Variants in SERBP1 observed in about 807,000 individuals in gnomAD.
The protein encoded by SERBP1 is SERPINE1 mRNA binding protein 1, also known as SERPINE1 mRNA-binding protein 1.
Under a neutral mutation model 50.2 loss-of-function variants are expected in SERBP1, and 6 were observed. That is an observed-to-expected ratio of 0.12 (90% CI 0.07 to 0.24). SERBP1 has a LOEUF of 0.24. Ranked by LOEUF, SERBP1 falls within the 10% of genes least tolerant of loss-of-function variation. The pLI is 1.00. For missense variants in SERBP1, 346 were observed against 524.9 expected, an observed-to-expected ratio of 0.66 and a Z score of 3.33; for synonymous variants, 168 against 182.8, an observed-to-expected ratio of 0.92 and a Z score of 0.65.
rs774045733 is a variant in SERBP1, at chr1:67,425,119, T to C, written c.569A>G (p.Lys190Arg). The C allele has an allele frequency of 1.3e-5, 21 of 1,611,462 alleles. No individual in the cohort carries two copies. Among genetic ancestry groups the C allele is most frequent in the Non-Finnish European group, 1.7e-5 (20 of 1,179,750 alleles). ...GRGDGFDSRG[K>R]REFDRHSGSD... ...TCCACTATGCCTATCAAATTCACGT[T>C]TGCCACGAGAATCAAATCCATCTCC... The change falls in exon 3 of 8, where the codon AAA (lysine) becomes AGA (arginine). Residue 190 changes from lysine to arginine, a missense_variant. Transcript: ENST00000361219.
At chr1:67,420,274 T>A in intron 5 of SERBP1, 88 bp from the exon 6 acceptor site, 1 of 1,138,494 alleles carries the variant, frequency 8.8e-7, no homozygotes, top group Non-Finnish European at 1.2e-6. Context: ...TTGAGAAAAT[T>A]AACCTTGTAA....
Position 67,409,812 on chromosome 1 carries a change from T to C in SERBP1, c.*3395A>G, listed in dbSNP as rs1194132786. 6.6e-6 allele frequency: 1 copy of C among 152,230 alleles called. No individual in the cohort carries two copies. The highest frequency in any genetic ancestry group is 2.4e-5 in the African/African-American group (1 of 41,464). 9.4% of individuals were successfully genotyped at this position (152,230 alleles called of 1,614,324 possible). On this transcript the variant is annotated 3_prime_UTR_variant, in exon 8 of 8. Transcript: ENST00000361219. Reference sequence around the variant, plus strand: ...ACAATTATCTTGCAAATGATATTGATAAATCATTTAATTACTATGGTCCAG... The same window carrying C: ...ACAATTATCTTGCAAATGATATTGACAAATCATTTAATTACTATGGTCCAG...
intron 5 of SERBP1, among the ~76,000 whole-genome samples, chr1:67,423,771 T>A (rs149938308): frequency 1.3e-3 from 197 of 152,366 alleles, no homozygotes; most frequent in Non-Finnish European, 2.4e-3. Context: ...GTTTTAACTA[T>A]CTCAAAGTAA....
At chr1:67,417,683 T>C (rs1391372217) in intron 6 of SERBP1, among the ~76,000 whole-genome samples, 1 of 151,864 alleles carries the variant, frequency 6.6e-6, no homozygotes, top group Non-Finnish European at 1.5e-5. Context: ...CAGATAATTT[T>C]TATATTTTTT....
chr1:67,415,963 G>A (rs186366115), intron 6 of SERBP1, among the ~76,000 whole-genome samples: 6 of 149,854 alleles, frequency 4.0e-5, no homozygotes, highest in Admixed American at 1.3e-4. Flanking sequence ...GGGGAATCTT[G>A]TAAAGCTATG....
At chr1:67,428,835 A>G (rs776320278) in intron 1 of SERBP1, among the ~76,000 whole-genome samples, 1 of 152,166 alleles carries the variant, frequency 6.6e-6, no homozygotes, top group African/African-American at 2.4e-5. Context: ...ACTAAAGCTA[A>G]AGAGAAACAA....
chr1:67,416,828 A>C (rs1336490136), intron 6 of SERBP1, among the ~76,000 whole-genome samples: 1 of 152,268 alleles, frequency 6.6e-6, no homozygotes, highest in Non-Finnish European at 1.5e-5. Context: ...AAATTCACAA[A>C]ACACCAGCAA....
At position 67,430,229 on chromosome 1, in the gene SERBP1, T is replaced by C. The variant is rs375385871; in HGVS notation, c.72A>G (p.Glu24=). ...CCTTCAGCACCTCGAAGGGGTCCGATTCGTCGTCAAATAACTGGTCGAATC... is the reference window on the plus strand; with the variant it reads ...CCTTCAGCACCTCGAAGGGGTCCGACTCGTCGTCAAATAACTGGTCGAATC... ...TNRFDQLFDD[E]SDPFEVLKAA... is the part of the protein sequence containing the mutation. Residue 24 remains glutamate (E), a synonymous_variant, in exon 1 of 8, where the codon GAA becomes GAG. Transcript: ENST00000361219. 1.5e-4 allele frequency: 242 copies of C among 1,595,528 alleles called. No homozygotes were observed. Among genetic ancestry groups the C allele is most frequent in the South Asian group, 6.7e-4 (59 of 88,376 alleles).
At chr1:67,425,246 A>G in intron 2 of SERBP1, 23 bp from the exon 3 acceptor site, 1 of 1,565,872 alleles carries the variant, frequency 6.4e-7, no homozygotes, top group East Asian at 2.3e-5. Flanking sequence ...CAAATAAATT[A>G]TACTTCCATG....
At chr1:67,413,437 T>C (rs1666902603) in intron 7 of SERBP1, among the ~76,000 whole-genome samples, 174 bp from the exon 8 acceptor site, 2 of 151,974 alleles carry the variant, frequency 1.3e-5, no homozygotes, top group Non-Finnish European at 1.5e-5. Flanking sequence ...TCACCTGAGG[T>C]CAGGAGTTTG....
chr1:67,411,954 GAA>G lies in SERBP1; in HGVS notation c.*1251_*1252del, dbSNP rs1489491932. ...TTATTTACCTAATTTTCTAATGGAG[GAA>G]GAGAGAAGAGATAATTACCACTTTC... On this transcript the variant is annotated 3_prime_UTR_variant, in exon 8 of 8. Coordinates refer to ENST00000361219, the MANE Select transcript of SERBP1 (RefSeq NM_001018069.2). The G allele has an allele frequency of 6.6e-6, 1 of 150,632 alleles. No homozygotes were observed. Among genetic ancestry groups the G allele is most frequent in the Non-Finnish European group, 1.5e-5 (1 of 67,274 alleles). 9.3% of individuals were successfully genotyped at this position (150,632 alleles called of 1,614,324 possible).
intron 1 of SERBP1, chr1:67,429,490 G>A (rs1312783945): frequency 6.5e-6 from 1 of 152,972 alleles, no homozygotes; most frequent in Non-Finnish European, 1.5e-5. Flanking sequence ...CTTTTCAGCG[G>A]GGATACTCCG....
At chr1:67,414,094 T>C (rs1372727047) in intron 7 of SERBP1, among the ~76,000 whole-genome samples, 1 of 151,656 alleles carries the variant, frequency 6.6e-6, no homozygotes, top group Non-Finnish European at 1.5e-5. Flanking sequence ...CCAGCCCAGT[T>C]GTTTTACTTT....
intron 2 of SERBP1, among the ~76,000 whole-genome samples, 171 bp downstream of exon 2, chr1:67,425,964 A>T (rs1015030297): frequency 6.6e-6 from 1 of 152,182 alleles, no homozygotes; most frequent in African/African-American, 2.4e-5. Flanking sequence ...TACAAAAAAA[A>T]TTAGCAGTGT....
intron 6 of SERBP1, 96 bp downstream of exon 6, chr1:67,419,913 C>T (rs1667149737): frequency 9.3e-7 from 1 of 1,077,120 alleles, no homozygotes; most frequent in South Asian, 1.5e-5. Context: ...AAAGCTTTAA[C>T]AGACAAATAA....
At chr1:67,418,880 G>A (rs1667115336) in intron 6 of SERBP1, among the ~76,000 whole-genome samples, 3 of 152,184 alleles carry the variant, frequency 2.0e-5, no homozygotes, top group Non-Finnish European at 2.9e-5. Flanking sequence ...CCCAATTTAT[G>A]ATATGAATAA....
chr1:67,414,233 T>C (rs1208997511), intron 7 of SERBP1, among the ~76,000 whole-genome samples: 2 of 152,302 alleles, frequency 1.3e-5, no homozygotes, highest in South Asian at 2.1e-4. Context: ...AAGGAACTAA[T>C]ATCTAAGTAG....
rs1216412516 is a variant in SERBP1 at position 67,430,386 on chromosome 1, T to C, written c.-86A>G. 4 of 1,398,276 alleles carry C rather than the reference T, an allele frequency of 2.9e-6. No homozygotes were observed. Among genetic ancestry groups the C allele is most frequent in the Non-Finnish European group, 3.8e-6 (4 of 1,041,916 alleles). The allele number at this position is 1,398,276 out of a possible 1,614,324, so 86.6% of individuals were successfully genotyped here. A position where few individuals can be genotyped will look rare whatever the true frequency, so the allele number is the denominator to read the frequency against. ...GCCTGCTTCAGCTCTTCCCACAAGA[T>C]GGCCGGGCCGAGAGAGGGGGGCCGT... On this transcript the variant is annotated 5_prime_UTR_variant, in exon 1 of 8. Coordinates refer to ENST00000361219, the MANE Select transcript of SERBP1 (RefSeq NM_001018069.2).
chr1:67,428,163 T>C (rs983214289), intron 1 of SERBP1, among the ~76,000 whole-genome samples: 2 of 152,232 alleles, frequency 1.3e-5, no homozygotes, highest in African/African-American at 4.8e-5. Flanking sequence ...TACATGCTTG[T>C]ATTTTATGCA....
Sources: allele counts gnomAD v4.1 joint callset (sites outside exome capture counted in the v4.1 genomes callset), GRCh38; gene constraint gnomAD v4.1.1; transcripts MANE v1.5; gene names NCBI Gene and HGNC (gene_info 2026-07-23, HGNC 2026-07-21).